The following SCRIB variants were observed in gnomAD, a reference collection of about 807,000 sequenced individuals.
SCRIB encodes protein scribble homolog.
A neutral mutation model predicts 170.0 loss-of-function variants in SCRIB; 72 were observed. That is an observed-to-expected ratio of 0.42 (90% CI 0.35 to 0.52). The LOEUF is 0.52. Ranked by LOEUF, SCRIB falls within the 20% of genes least tolerant of loss-of-function variation. The probability of loss-of-function intolerance (pLI) is 0.02; values close to 1 mark genes in which losing one functional copy is unlikely to be tolerated. For missense variants in SCRIB, 2,475 were observed against 2,338.5 expected (o/e 1.06, Z -1.20); for synonymous variants, 1,298 against 1,044.3 (o/e 1.24, Z -4.68).
intron 13 of SCRIB, 40 bp from the exon 14 acceptor site, chr8:143,809,758 G>A (rs769440351): frequency 1.9e-6 from 3 of 1,588,714 alleles, no homozygotes; most frequent in Non-Finnish European, 2.6e-6. Flanking sequence ...CGGAGCTCCC[G>A]ACTCACAGGC....
Position 143,792,500 on chromosome 8 carries a change from G to A in SCRIB, c.4313C>T (p.Pro1438Leu), listed in dbSNP as rs782033712. The A allele has an allele frequency of 1.8e-5, 28 of 1,548,376 alleles. No individual in the cohort carries two copies. In the Admixed American group the frequency reaches 2.6e-4, roughly 15 times the overall value. ...GGGTGCTCACCTTGAGGTGGGGCTC[G>A]GGCTGGCCCAGGGTGGCTGCTCATC... ...QEDEQPPWASPSPTSRQSPAS... is the reference protein window; with the variant it reads ...QEDEQPPWASLSPTSRQSPAS... Residue 1438 changes from proline to leucine, a missense_variant, in exon 31 of 37, where the codon CCG becomes CTG. By Grantham distance (98) the Pro-to-Leu change is moderately conservative (BLOSUM62 -3). Transcript: ENST00000356994.
Position 143,805,417 on chromosome 8 carries a change from G to T in SCRIB, c.2365C>A (p.Gln789Lys). The T allele has an allele frequency of 1.3e-6, 2 of 1,516,732 alleles. No homozygotes were observed. Among genetic ancestry groups the T allele is most frequent in the East Asian group, 2.4e-5 (1 of 41,026 alleles). The allele number at this position is 1,516,732 out of a possible 1,614,324, so 94.0% of individuals were successfully genotyped here. Reference sequence around the variant, plus strand: ...ACGGCCTCGTGGTGCTCGGCGCCCTGCAGAGCCACACCATTCACCTGCGGG... The same window carrying T: ...ACGGCCTCGTGGTGCTCGGCGCCCTTCAGAGCCACACCATTCACCTGCGGG... ...KLLEVNGVAL[Q>K]GAEHHEAVEA... Residue 789 changes from glutamine to lysine, a missense_variant, in exon 19 of 37, where the codon CAG becomes AAG. Around this residue, in one of 3 missense-constraint regions of SCRIB, gnomAD observed 1,966 missense variants for 1,742.9 expected, o/e 1.13. Coordinates refer to ENST00000356994, the MANE Select transcript of SCRIB (RefSeq NM_182706.5).
intron 24 of SCRIB, among the ~76,000 whole-genome samples, chr8:143,797,693 C>G (rs1815002112): frequency 6.6e-6 from 1 of 152,224 alleles, no homozygotes; most frequent in South Asian, 2.1e-4. Flanking sequence ...GACATCAGAC[C>G]CAGCGTGGGG....
intron 1 of SCRIB, among the ~76,000 whole-genome samples, chr8:143,814,630 T>A (rs1815955990): frequency 6.6e-6 from 1 of 152,104 alleles, no homozygotes; most frequent in Admixed American, 6.5e-5. Flanking sequence ...AGGGTCACAT[T>A]CTTTGGGACA....
Position 143,815,274 on chromosome 8 carries a change from G to A in SCRIB, c.99C>T (p.Arg33=), listed in dbSNP as rs1816025332. 1.3e-6 allele frequency: 2 copies of A among 1,597,612 alleles called. No homozygotes were observed. Among genetic ancestry groups the A allele is most frequent in the Non-Finnish European group, 8.5e-7 (1 of 1,175,160 alleles). ...SLQAVPEEIY[R]YSRSLEELLL... is the part of the protein sequence containing the mutation. ...GCAGCTCCTCCAGGCTGCGGCTGTA[G>A]CGGTAGATCTCCTCCGGCACGGCCT... Residue 33 remains arginine, a synonymous_variant, in exon 1 of 37, where the codon CGC becomes CGT. Coordinates refer to ENST00000356994, the MANE Select transcript of SCRIB (RefSeq NM_182706.5).
intron 24 of SCRIB, among the ~76,000 whole-genome samples, chr8:143,799,155 G>A (rs151091470): frequency 2.0e-5 from 3 of 152,310 alleles, no homozygotes; most frequent in East Asian, 1.9e-4. Flanking sequence ...ATCTTCCTAG[G>A]TCTTTCCTGC....
chr8:143,806,893 C>G (rs782334587), intron 17 of SCRIB, 31 bp downstream of exon 17: 1 of 1,480,630 alleles, frequency 6.8e-7, no homozygotes, highest in African/African-American at 1.4e-5. Context: ...AGGCCAGTGG[C>G]AGCGGAAAGG....
Position 143,811,061 on chromosome 8 carries a change from A to G in SCRIB, c.1118T>C (p.Leu373Pro). ...LDVAGNRLQS[L>P]PFALTHLNLK... ...ATTGAGGTGGGTGAGCGCGAACGGC[A>G]GACTCTGCAGGCTGCGGGCCGGGCG... is the stretch of plus-strand genomic sequence containing the variant. Residue 373 changes from leucine to proline, a missense_variant, in exon 11 of 37, where the codon CTG becomes CCG. By Grantham distance (98) the Leu-to-Pro change is moderately conservative (BLOSUM62 -3). Around this residue, in one of 3 missense-constraint regions of SCRIB, gnomAD observed 487 missense variants for 558.1 expected, o/e 0.87. Coordinates refer to ENST00000356994, the MANE Select transcript of SCRIB (RefSeq NM_182706.5). The G allele has an allele frequency of 6.2e-7, 1 of 1,611,884 alleles. No individual in the cohort carries two copies.
intron 1 of SCRIB, 35 bp downstream of exon 1, chr8:143,815,179 G>A: frequency 6.5e-7 from 1 of 1,527,680 alleles, no homozygotes; most frequent in Non-Finnish European, 8.7e-7. Flanking sequence ...GGCTGGGGGC[G>A]CGCCTTTGGG....
intron 1 of SCRIB, among the ~76,000 whole-genome samples, chr8:143,814,584 C>A (rs1283598237): frequency 2.0e-5 from 3 of 152,196 alleles, no homozygotes. Flanking sequence ...TGCAGGTGGC[C>A]ACAGAGGACC....
chr8:143,803,557 C>T lies in SCRIB; in HGVS notation c.3429G>A (p.Gly1143=), dbSNP rs1815265897. 1 of 1,602,906 alleles carries T rather than the reference C, an allele frequency of 6.2e-7. No homozygotes were observed. The change falls in exon 24 of 37, where the codon GGG becomes GGA. Residue 1143 remains glycine, a synonymous_variant. Coordinates refer to ENST00000356994, the MANE Select transcript of SCRIB (RefSeq NM_182706.5). ...GCAGCCGACCGTCGCGCCCGGCTGC[C>T]CCCGTGGGGCTCACCTGTGGGGAGA... is the stretch of plus-strand genomic sequence containing the variant. ...GIFISKVSPT[G]AAGRDGRLRV... is the part of the protein sequence containing the mutation.
At position 143,815,405 on chromosome 8, in the gene SCRIB, G is replaced by T; in HGVS notation, c.-33C>A. The T allele has an allele frequency of 7.9e-7, 1 of 1,264,584 alleles. No individual in the cohort carries two copies. The highest frequency in any genetic ancestry group is 1.0e-6 in the Non-Finnish European group (1 of 1,000,930). 78.3% of individuals were successfully genotyped at this position (1,264,584 alleles called of 1,614,324 possible). ...GTGGGCGGCGCGGGCTCCGGCGGCG[G>T]CGCTCGGCGGGCTCGGGGCCGGGGG... On this transcript the variant is annotated 5_prime_UTR_variant, in exon 1 of 37. Coordinates refer to ENST00000356994, the MANE Select transcript of SCRIB (RefSeq NM_182706.5).
rs782565319 is a variant in SCRIB, at chr8:143,803,545, G to A, written c.3441C>T (p.Arg1147=). ...GCAAACCCACACGCAGCCGACCGTC[G>A]CGCCCGGCTGCCCCCGTGGGGCTCA... The part of the protein sequence containing the change: ...SKVSPTGAAG[R]DGRLRVGLRL... Residue 1147 remains arginine (R), a synonymous_variant, in exon 24 of 37, where the codon CGC becomes CGT. Coordinates refer to ENST00000356994, the MANE Select transcript of SCRIB (RefSeq NM_182706.5). The A allele has an allele frequency of 2.1e-5, 34 of 1,602,550 alleles. No homozygotes were observed. The highest frequency in any genetic ancestry group is 1.7e-4 in the Middle Eastern group (1 of 5,960).
At chr8:143,810,408 T>G (rs1815652313) in intron 13 of SCRIB, 71 bp downstream of exon 13, 3 of 1,572,998 alleles carry the variant, frequency 1.9e-6, no homozygotes, top group Non-Finnish European at 2.6e-6. Flanking sequence ...ACAGCCCCAC[T>G]CCCAGGATGG....
intron 24 of SCRIB, among the ~76,000 whole-genome samples, chr8:143,801,491 C>A (rs1017743285): frequency 1.2e-4 from 18 of 152,110 alleles, no homozygotes; most frequent in Admixed American, 2.0e-4. Flanking sequence ...CATAAAGAAC[C>A]CAGAAGACTT....
At chr8:143,792,951 A>C in intron 29 of SCRIB, 25 bp downstream of exon 29, 1 of 1,502,074 alleles carries the variant, frequency 6.7e-7, no homozygotes, top group Non-Finnish European at 8.9e-7. Flanking sequence ...CACGCGCAGC[A>C]GGGAGGCGTG....
At chr8:143,798,553 G>A (rs1815041961) in intron 24 of SCRIB, among the ~76,000 whole-genome samples, 1 of 152,188 alleles carries the variant, frequency 6.6e-6, no homozygotes, top group South Asian at 2.1e-4. Context: ...TCCTGTTTCA[G>A]CCTCCTGAAT....
At position 143,810,663 on chromosome 8, in the gene SCRIB, C is replaced by T. The variant is rs146352008; in HGVS notation, c.1404+23G>A. The T allele has an allele frequency of 8.1e-6, 13 of 1,602,340 alleles. No individual in the cohort carries two copies. The Admixed American group carries it at 1.0e-4, about 12-fold the overall frequency. On this transcript the variant is annotated intron_variant, in intron 12 of 36. Coordinates refer to ENST00000356994, the MANE Select transcript of SCRIB (RefSeq NM_182706.5). ...GGGCAGGGGTCAGGCAGAGGTTCGC[C>T]CCCCAGATCCTCACCCTCATACCCG...
In SCRIB at chr8:143,804,097, G is replaced by A. The variant is rs1218283595; in HGVS notation, c.3069C>T (p.Asp1023=). Residue 1023 remains aspartate (D), a synonymous_variant, in exon 22 of 37, where the codon GAC becomes GAT. Transcript: ENST00000356994. ...GGACACCAAACGGGTGGCTGGAATGGTCGGAGCCTCCGACAATACTAAGCC... is the reference window on the plus strand; with the variant it reads ...GGACACCAAACGGGTGGCTGGAATGATCGGAGCCTCCGACAATACTAAGCC... The part of the protein sequence containing the change: ...PLGLSIVGGS[D]HSSHPFGVQE... The A allele has an allele frequency of 6.8e-6, 11 of 1,612,866 alleles. No homozygotes were observed. In the East Asian group the frequency reaches 2.2e-4, roughly 33 times the overall value.
Sources: gnomAD v4.1 joint callset for allele counts (sites outside exome capture counted in the v4.1 genomes callset) on GRCh38, gnomAD v4.1.1 for gene constraint, gnomAD v4.1.1 regional missense constraint, MANE v1.5 for transcripts, NCBI Gene and HGNC (gene_info 2026-07-23, HGNC 2026-07-21) for gene names.